AGPAT3: variants seen among roughly 807,000 people sequenced by gnomAD.
AGPAT3 encodes 1-acylglycerol-3-phosphate O-acyltransferase 3.
Under a neutral mutation model 47.3 loss-of-function variants are expected in AGPAT3, and 5 were observed. The ratio of observed to expected loss-of-function variants is 0.11; its 90% confidence interval spans 0.06 to 0.22. The LOEUF (loss-of-function observed/expected upper bound fraction) is 0.22. Among genes scored for constraint, AGPAT3 ranks in the 10% least tolerant of loss-of-function variants. AGPAT3 has a pLI of 1.00. For missense variants in AGPAT3, 315 were observed against 493.0 expected (o/e 0.64, Z 3.42); for synonymous variants, 212 against 208.3 (o/e 1.02, Z -0.15).
intron 1 of AGPAT3, among the ~76,000 whole-genome samples, chr21:43,879,252 A>G (rs555207009): frequency 6.7e-6 from 1 of 149,572 alleles, no homozygotes; most frequent in South Asian, 2.2e-4. Context: ...CAGAAGGCTG[A>G]GACATGAAAA....
At chr21:43,874,043 T>G (rs2085681106) in intron 1 of AGPAT3, among the ~76,000 whole-genome samples, 1 of 152,250 alleles carries the variant, frequency 6.6e-6, no homozygotes, top group Non-Finnish European at 1.5e-5. Flanking sequence ...AGTATTTTAT[T>G]ATTATTTTTT....
rs774259343 is a variant in AGPAT3, at chr21:43,970,850, G to A, written c.664+44G>A. 11 of 1,443,650 alleles carry A rather than the reference G, an allele frequency of 7.6e-6. No individual in the cohort carries two copies. The highest frequency in any genetic ancestry group is 3.0e-5 in the South Asian group (2 of 66,030). 89.4% of individuals were successfully genotyped at this position (1,443,650 alleles called of 1,614,324 possible). ...GAGCCGGGGCCACCGCTATGCTCAC[G>A]GAAAATAGTGATTTCTTTAAAAAAA... is the stretch of plus-strand genomic sequence containing the variant. On this transcript the variant is annotated intron_variant, in intron 6 of 9. Coordinates refer to ENST00000291572, the MANE Select transcript of AGPAT3 (RefSeq NM_020132.5). This position sits in a 1 kb window ranked among gnomAD's most constrained non-coding sequence, Gnocchi z 5.8.
chr21:43,957,121 G>C lies in AGPAT3; in HGVS notation c.-48-2513G>C, dbSNP rs531412515. On this transcript the variant is annotated intron_variant, in intron 2 of 9. Transcript: ENST00000291572. ...CCATAGGTTGAGAACGTCCAAGGGT[G>C]GTGGGAGTGACACTGGCATCTGTGG... Among the ~76,000 whole-genome samples, 9 of 152,308 alleles carry C rather than the reference G, an allele frequency of 5.9e-5. No homozygotes were observed. The South Asian group carries it at 1.9e-3, about 32-fold the overall frequency.
chr21:43,881,918 A>G (rs1428387562), intron 1 of AGPAT3, among the ~76,000 whole-genome samples: 1 of 152,214 alleles, frequency 6.6e-6, no homozygotes, highest in Non-Finnish European at 1.5e-5. Context: ...CAGCCTCCCA[A>G]AGTGCTGGGA....
At chr21:43,873,648 G>C (rs2085672434) in intron 1 of AGPAT3, among the ~76,000 whole-genome samples, 1 of 152,208 alleles carries the variant, frequency 6.6e-6, no homozygotes, top group Non-Finnish European at 1.5e-5. Flanking sequence ...AAAATGCTGG[G>C]ATTACAGGCG....
chr21:43,942,810 G>A (rs1400409454), intron 2 of AGPAT3, among the ~76,000 whole-genome samples: 3 of 152,330 alleles, frequency 2.0e-5, no homozygotes, highest in Non-Finnish European at 4.4e-5. Flanking sequence ...CTTGGCGGGA[G>A]GAGGGTGGCA....
In AGPAT3 at chr21:43,985,384, G is replaced by A. The variant is rs1290982043; in HGVS notation, c.*2992G>A. Reference sequence around the variant, plus strand: ...ATAACACAAAACAACAATGTAAGCAGCACTTTCTTGTGTAAAAAAAAAAAA... The same window carrying A: ...ATAACACAAAACAACAATGTAAGCAACACTTTCTTGTGTAAAAAAAAAAAA... On this transcript the variant is annotated 3_prime_UTR_variant, in exon 10 of 10. Coordinates refer to ENST00000291572, the MANE Select transcript of AGPAT3 (RefSeq NM_020132.5). 1.6e-5 allele frequency: 5 copies of A among 310,412 alleles called. No individual in the cohort carries two copies. The highest frequency in any genetic ancestry group is 2.5e-5 in the Non-Finnish European group (4 of 157,986). The allele number at this position is 310,412 out of a possible 1,614,324, so 19.2% of individuals were successfully genotyped here.
At position 43,930,057 on chromosome 21, in the gene AGPAT3, A is replaced by G. The variant is rs558591338; in HGVS notation, c.-49+26038A>G. Among the ~76,000 whole-genome samples, 47 of 152,314 alleles carry G rather than the reference A, an allele frequency of 3.1e-4. No homozygotes were observed. The highest frequency in any genetic ancestry group is 4.9e-4 in the Non-Finnish European group (33 of 68,028). On this transcript the variant is annotated intron_variant, in intron 2 of 9. Coordinates refer to ENST00000291572, the MANE Select transcript of AGPAT3 (RefSeq NM_020132.5). The surrounding 1 kb of genome is among the most constrained non-coding windows in gnomAD (Gnocchi z 5.0). Reference sequence around the variant, plus strand: ...GGAACCCAGGGTGCCTTGTCCTGGCACTTCTGTGTACATCATCCAGCCCCG... The same window carrying G: ...GGAACCCAGGGTGCCTTGTCCTGGCGCTTCTGTGTACATCATCCAGCCCCG...
chr21:43,907,531 C>T (rs2086529618), intron 2 of AGPAT3, among the ~76,000 whole-genome samples: 1 of 152,152 alleles, frequency 6.6e-6, no homozygotes, highest in Non-Finnish European at 1.5e-5. Flanking sequence ...TCCTGGCTAA[C>T]ACGGTGAAAC....
chr21:43,931,117 C>T (rs956750192), intron 2 of AGPAT3, among the ~76,000 whole-genome samples: 5 of 152,062 alleles, frequency 3.3e-5, no homozygotes, highest in Non-Finnish European at 5.9e-5. Flanking sequence ...TGTCCAGACC[C>T]GGGGTCAGGG....
intron 1 of AGPAT3, among the ~76,000 whole-genome samples, chr21:43,879,952 C>T (rs187584066): frequency 6.6e-6 from 1 of 152,292 alleles, no homozygotes; most frequent in East Asian, 1.9e-4. Flanking sequence ...GTGGGCCTCT[C>T]CCTATGCTCC....
At chr21:43,918,180 A>AG (rs1478741012) in intron 2 of AGPAT3, among the ~76,000 whole-genome samples, 307 of 60,560 alleles carry the variant, frequency 5.1e-3, no homozygotes, top group Non-Finnish European at 8.6e-3. Context: ...GTGTTGTGGG[A>AG]GTTGTGGGTG....
At chr21:43,967,629 A>G (rs1426129686) in intron 3 of AGPAT3, 2 of 286,808 alleles carry the variant, frequency 7.0e-6, no homozygotes, top group Middle Eastern at 1.0e-3. Context: ...TGCACCTCTC[A>G]CGGGGCGTGG....
intron 1 of AGPAT3, among the ~76,000 whole-genome samples, chr21:43,892,920 T>C (rs2086131184): frequency 6.6e-6 from 1 of 152,098 alleles, no homozygotes; most frequent in African/African-American, 2.4e-5. Context: ...CGTGACAAAA[T>C]CCTGTCTCTG....
chr21:43,891,518 A>G (rs2086101878), intron 1 of AGPAT3, among the ~76,000 whole-genome samples: 2 of 152,084 alleles, frequency 1.3e-5, no homozygotes, highest in African/African-American at 4.8e-5. Context: ...CTGTAATCCC[A>G]GCTACTCAAG....
At chr21:43,887,614 C>T (rs1198147517) in intron 1 of AGPAT3, among the ~76,000 whole-genome samples, 1 of 152,188 alleles carries the variant, frequency 6.6e-6, no homozygotes, top group Non-Finnish European at 1.5e-5. Flanking sequence ...CTGCGCTCTC[C>T]TCAAATGTTA....
intron 2 of AGPAT3, among the ~76,000 whole-genome samples, chr21:43,909,347 G>T (rs1372446733): frequency 6.7e-6 from 1 of 149,596 alleles, no homozygotes; most frequent in Admixed American, 6.7e-5. Flanking sequence ...CCAGGCCGGA[G>T]TGTGGTGGCG....
At chr21:43,917,288 CCTT>C (rs1387369361) in intron 2 of AGPAT3, among the ~76,000 whole-genome samples, 3 of 152,166 alleles carry the variant, frequency 2.0e-5, no homozygotes, top group African/African-American at 4.8e-5. Context: ...CGCTGCTCCT[CCTT>C]CTGCTGCCCT....
chr21:43,932,848 C>T lies in AGPAT3; in HGVS notation c.-48-26786C>T, dbSNP rs1310215953. Among the ~76,000 whole-genome samples the T allele has an allele frequency of 6.6e-6, 1 of 152,186 alleles. No individual in the cohort carries two copies. The highest frequency in any genetic ancestry group is 6.5e-5 in the Admixed American group (1 of 15,278). Reference sequence around the variant, plus strand: ...TATGTTTAGTAGAGATGGGGTTTCACCATGTTGGCCAGACTGGTCTCGAAC... The same window carrying T: ...TATGTTTAGTAGAGATGGGGTTTCATCATGTTGGCCAGACTGGTCTCGAAC... On this transcript the variant is annotated intron_variant, in intron 2 of 9. Transcript: ENST00000291572. The surrounding 1 kb of genome is among the most constrained non-coding windows in gnomAD (Gnocchi z 5.2).
Sources: gnomAD v4.1 joint callset for allele counts (sites outside exome capture counted in the v4.1 genomes callset) on GRCh38, gnomAD v4.1.1 for gene constraint, Gnocchi (gnomAD v3.1) non-coding constraint, MANE v1.5 for transcripts, NCBI Gene and HGNC (gene_info 2026-07-23, HGNC 2026-07-21) for gene names.